Variants in ARMC8 observed in about 807,000 individuals in gnomAD.
ARMC8 encodes armadillo repeat containing 8.
In ARMC8, 20 loss-of-function variants were observed where a neutral mutation model predicts 99.3. The observed-to-expected ratio is 0.20, with a 90% CI of 0.14 to 0.29. ARMC8 has a LOEUF of 0.29. Among genes scored for constraint, ARMC8 ranks in the 10% least tolerant of loss-of-function variants. The pLI, the probability that ARMC8 is intolerant of heterozygous loss-of-function variation, is 1.00. For missense variants in ARMC8, 569 were observed against 809.5 expected (o/e 0.70, Z 3.60); for synonymous variants, 263 against 278.3 (o/e 0.95, Z 0.55).
chr3:138,292,508 C>G (rs917083634), intron 21 of ARMC8, among the ~76,000 whole-genome samples: 3 of 152,128 alleles, frequency 2.0e-5, no homozygotes, highest in Admixed American at 2.0e-4. Context: ...AGGATTTAAT[C>G]TGAAGATAAG....
intron 15 of ARMC8, 129 bp downstream of exon 15, chr3:138,267,370 A>T (rs2048372673): frequency 1.8e-6 from 1 of 562,572 alleles, no homozygotes; most frequent in Non-Finnish European, 3.1e-6. Context: ...GTTTGATTGC[A>T]TAGCGGTAGG....
intron 1 of ARMC8, among the ~76,000 whole-genome samples, chr3:138,193,415 C>T (rs147213725): frequency 1.4e-3 from 209 of 152,136 alleles, no homozygotes; most frequent in Middle Eastern, 0.014. Context: ...CGTGTGCCAC[C>T]GCGCCCAGCT....
intron 21 of ARMC8, among the ~76,000 whole-genome samples, chr3:138,292,870 C>T (rs543113092): frequency 6.6e-6 from 1 of 152,268 alleles, no homozygotes; most frequent in Middle Eastern, 3.4e-3. Flanking sequence ...GAGAAAGATG[C>T]AGCAAAGGAG....
At chr3:138,262,297 G>A (rs908945857) in intron 12 of ARMC8, 1 of 469,100 alleles carries the variant, frequency 2.1e-6, no homozygotes, top group African/African-American at 2.0e-5. Flanking sequence ...AGTAAGAATG[G>A]AATTAGGTTT....
In ARMC8 at chr3:138,263,736, C is replaced by T; in HGVS notation, c.1135-3C>T. ...TTTATGCAGCATTAACCTTTTTCTC[C>T]AGATCATTGAGACTGAAAATATGAT... is the stretch of plus-strand genomic sequence containing the variant. On this transcript the variant is annotated splice_polypyrimidine_tract_variant and splice_region_variant and intron_variant, in intron 12 of 21. Transcript: ENST00000469044. The T allele has an allele frequency of 6.2e-7, 1 of 1,612,942 alleles. No individual in the cohort carries two copies. The highest frequency in any genetic ancestry group is 8.5e-7 in the Non-Finnish European group (1 of 1,178,926).
chr3:138,203,532 G>A (rs1003285114), intron 1 of ARMC8, among the ~76,000 whole-genome samples: 4 of 152,200 alleles, frequency 2.6e-5, no homozygotes, highest in African/African-American at 9.7e-5. Context: ...CCACGGGGCA[G>A]CTCCACAGCC....
intron 7 of ARMC8, among the ~76,000 whole-genome samples, chr3:138,236,626 C>G (rs982434626): frequency 1.3e-5 from 2 of 152,094 alleles, no homozygotes; most frequent in Non-Finnish European, 2.9e-5. Flanking sequence ...TCTTCATACC[C>G]CAGCTACCTA....
chr3:138,198,472 A>G (rs1426939292), intron 1 of ARMC8, among the ~76,000 whole-genome samples: 1 of 149,076 alleles, frequency 6.7e-6, no homozygotes, highest in Admixed American at 6.8e-5. Flanking sequence ...AATTGTGTGT[A>G]TAGCCTTATA....
rs547726493 is a variant in ARMC8, at chr3:138,288,635, CTT to C, written c.1822-393_1822-392del. Reference sequence around the variant, plus strand: ...TTGAGTTTGAGGACTCTTCTTCAGACTTTTTTTTTTTTTTTTTTTTTGAGACG... The same window carrying C: ...TTGAGTTTGAGGACTCTTCTTCAGACTTTTTTTTTTTTTTTTTTTGAGACG... On this transcript the variant is annotated intron_variant, in intron 19 of 21. Transcript: ENST00000469044. Among the ~76,000 whole-genome samples the C allele has an allele frequency of 8.3e-3, 911 of 109,672 alleles. 1 individual carries two copies. The highest frequency in any genetic ancestry group is 0.013 in the Non-Finnish European group (645 of 51,526). The allele number at this position is 109,672 out of a possible 152,430, so 71.9% of individuals were successfully genotyped here. A position where few individuals can be genotyped will look rare whatever the true frequency, so the allele number is the denominator to read the frequency against.
intron 12 of ARMC8, among the ~76,000 whole-genome samples, chr3:138,253,125 C>T (rs1454836763): frequency 6.6e-6 from 1 of 152,058 alleles, no homozygotes; most frequent in African/African-American, 2.4e-5. Flanking sequence ...ATCTAGTTCA[C>T]TTATTAAGCA....
At chr3:138,217,841 C>G (rs2045159513) in intron 2 of ARMC8, among the ~76,000 whole-genome samples, 1 of 152,216 alleles carries the variant, frequency 6.6e-6, no homozygotes, top group Non-Finnish European at 1.5e-5. Context: ...TCTAAGCTTT[C>G]TGTTGTTTCC....
chr3:138,238,038 G>A (rs1481004291), intron 9 of ARMC8: 6 of 149,428 alleles, frequency 4.0e-5, no homozygotes, highest in Non-Finnish European at 7.4e-5. Context: ...TTCAAAAGTT[G>A]TGATGGTTTA....
chr3:138,291,112 A>T (rs1385573242), intron 21 of ARMC8, among the ~76,000 whole-genome samples: 2 of 152,206 alleles, frequency 1.3e-5, no homozygotes, highest in African/African-American at 4.8e-5. Flanking sequence ...TTATAATCAG[A>T]TACTCAGCTA....
chr3:138,258,768 G>A (rs1040754820), intron 12 of ARMC8, among the ~76,000 whole-genome samples: 1 of 152,160 alleles, frequency 6.6e-6, no homozygotes, highest in Non-Finnish European at 1.5e-5. Flanking sequence ...GACCTAAAGC[G>A]GTCAGTTGAG....
At chr3:138,239,971 A>G (rs897243453) in intron 10 of ARMC8, among the ~76,000 whole-genome samples, 3 of 152,228 alleles carry the variant, frequency 2.0e-5, no homozygotes, top group Non-Finnish European at 4.4e-5. Flanking sequence ...ATAACACATG[A>G]AAACAAGCAT....
intron 5 of ARMC8, 86 bp from the exon 6 acceptor site, chr3:138,228,832 G>A: frequency 2.5e-6 from 2 of 805,408 alleles, no homozygotes; most frequent in Non-Finnish European, 4.1e-6. Flanking sequence ...TAAGAGATTT[G>A]ACTACCTTCT....
chr3:138,213,365 T>G (rs1403464582), intron 2 of ARMC8, among the ~76,000 whole-genome samples: 1 of 151,996 alleles, frequency 6.6e-6, no homozygotes. Context: ...GAATGCAGAG[T>G]TATCTAGAGA....
intron 2 of ARMC8, among the ~76,000 whole-genome samples, chr3:138,216,613 C>T (rs185739384): frequency 6.6e-6 from 1 of 152,334 alleles, no homozygotes; most frequent in Non-Finnish European, 1.5e-5. Flanking sequence ...GTGATTCTCA[C>T]AGTCCAAATA....
intron 5 of ARMC8, among the ~76,000 whole-genome samples, chr3:138,225,433 A>G (rs1483840549): frequency 2.6e-5 from 4 of 152,166 alleles, no homozygotes; most frequent in East Asian, 1.9e-4. Context: ...TTTTCAATAT[A>G]CAATAGATTA....
Sources: allele counts gnomAD v4.1 joint callset (sites outside exome capture counted in the v4.1 genomes callset), GRCh38; gene constraint gnomAD v4.1.1; transcripts MANE v1.5; gene names NCBI Gene and HGNC (gene_info 2026-07-23, HGNC 2026-07-21).